Variants in PLCL2 observed in about 807,000 individuals in gnomAD.
PLCL2 encodes phospholipase C like 2.
Under a neutral mutation model 79.6 loss-of-function variants are expected in PLCL2, and 4 were observed. That is an observed-to-expected ratio of 0.05 (90% CI 0.02 to 0.11). The LOEUF is 0.11. PLCL2 is among the 10% of genes least tolerant of loss of function. The pLI, the probability that PLCL2 is intolerant of heterozygous loss-of-function variation, is 1.00. For missense variants in PLCL2, 895 were observed against 1,291.0 expected, an observed-to-expected ratio of 0.69 and a Z score of 4.70; for synonymous variants, 484 against 457.7, an observed-to-expected ratio of 1.06 and a Z score of -0.73.
In PLCL2 at chr3:17,009,992, T is replaced by C. The variant is rs754340410; in HGVS notation, c.646T>C (p.Cys216Arg). The stretch of plus-strand genomic sequence containing the variant: ...CATTTCTGACCAGATATCTGAAGAT[T>C]GTGCGTTTTCCGTCATATATGGAGA... ...NGISDQISED[C>R]AFSVIYGENY... The change falls in exon 2 of 6, where the codon TGT (cysteine) becomes CGT (arginine). Residue 216 changes from cysteine to arginine, a missense_variant. By Grantham distance (180) the Cys-to-Arg change is radical (BLOSUM62 -3). Transcript: ENST00000615277. This position sits in a 1 kb window ranked among gnomAD's most constrained non-coding sequence, Gnocchi z 4.0. 7 of 1,614,116 alleles carry C rather than the reference T, an allele frequency of 4.3e-6. No individual in the cohort carries two copies. Among genetic ancestry groups the C allele is most frequent in the South Asian group, 3.3e-5 (3 of 91,086 alleles).
At chr3:17,033,035 GTTATT>G (rs2064601868) in intron 3 of PLCL2, among the ~76,000 whole-genome samples, 1 of 152,128 alleles carries the variant, frequency 6.6e-6, no homozygotes. Flanking sequence ...AAGATGGGAT[GTTATT>G]TTATAGGATT....
intron 3 of PLCL2, among the ~76,000 whole-genome samples, chr3:17,036,119 T>C (rs1169627076): frequency 1.3e-5 from 2 of 152,158 alleles, no homozygotes; most frequent in Non-Finnish European, 1.5e-5. Flanking sequence ...CCACAGCTCT[T>C]AATGATATGG....
chr3:16,909,593 C>T (rs1340548245), intron 1 of PLCL2, among the ~76,000 whole-genome samples: 4 of 152,166 alleles, frequency 2.6e-5, no homozygotes, highest in African/African-American at 9.7e-5. Context: ...AGAATATTAA[C>T]TTGTATGTGT....
intron 1 of PLCL2, among the ~76,000 whole-genome samples, chr3:16,918,614 T>C (rs1222726704): frequency 6.6e-6 from 1 of 152,074 alleles, no homozygotes; most frequent in Admixed American, 6.6e-5. Flanking sequence ...ATTACCGTAA[T>C]AGTTAAGGTG....
intron 4 of PLCL2, among the ~76,000 whole-genome samples, chr3:17,057,656 G>A (rs576218431): frequency 1.4e-4 from 21 of 152,212 alleles, no homozygotes; most frequent in South Asian, 4.1e-4. Flanking sequence ...CGCTTGAGTG[G>A]ATGAGTTCTC....
At chr3:16,991,536 T>C (rs1285858740) in intron 1 of PLCL2, among the ~76,000 whole-genome samples, 2 of 152,236 alleles carry the variant, frequency 1.3e-5, no homozygotes, top group African/African-American at 4.8e-5. Context: ...AAAGAAAAAT[T>C]AATTGATAAA....
At position 16,984,118 on chromosome 3, in the gene PLCL2, C is replaced by G. The variant is rs1331999300; in HGVS notation, c.328-25556C>G. 2.6e-5 allele frequency among the ~76,000 whole-genome samples: 4 copies of G among 152,238 alleles called. No homozygotes were observed. The East Asian group carries it at 7.7e-4, about 29-fold the overall frequency. ...GTTCATGAACGCGTGGAGGGTATTT[C>G]TTTACTAATATGCAAAGCTTAAATA... On this transcript the variant is annotated intron_variant, in intron 1 of 5. Coordinates refer to ENST00000615277, the MANE Select transcript of PLCL2 (RefSeq NM_001144382.2).
intron 4 of PLCL2, among the ~76,000 whole-genome samples, chr3:17,058,173 A>G (rs962201781): frequency 3.3e-5 from 5 of 152,222 alleles, no homozygotes; most frequent in African/African-American, 1.2e-4. Flanking sequence ...GAGCCAAGGC[A>G]AGTGGACACA....
At chr3:17,037,325 AG>A (rs1427609520) in intron 3 of PLCL2, among the ~76,000 whole-genome samples, 1 of 152,156 alleles carries the variant, frequency 6.6e-6, no homozygotes, top group African/African-American at 2.4e-5. Context: ...GGGGGCATTC[AG>A]TGGTTAGGGC....
chr3:16,981,516 G>A (rs1295493171), intron 1 of PLCL2, among the ~76,000 whole-genome samples: 1 of 152,274 alleles, frequency 6.6e-6, no homozygotes, highest in South Asian at 2.1e-4. Context: ...AGTTTTCTGT[G>A]AGTTTGGTTA....
chr3:16,912,315 G>A (rs1696900507), intron 1 of PLCL2, among the ~76,000 whole-genome samples: 1 of 152,042 alleles, frequency 6.6e-6, no homozygotes. Flanking sequence ...AAGCAAAACT[G>A]ACATGGAAGG....
intron 5 of PLCL2, among the ~76,000 whole-genome samples, chr3:17,087,140 C>T (rs1289751591): frequency 2.0e-5 from 3 of 152,092 alleles, no homozygotes; most frequent in Non-Finnish European, 4.4e-5. Flanking sequence ...TATGATCCAG[C>T]GATCATACCC....
chr3:17,089,430 A>G (rs2065252378), intron 5 of PLCL2, among the ~76,000 whole-genome samples: 1 of 152,204 alleles, frequency 6.6e-6, no homozygotes, highest in South Asian at 2.1e-4. Context: ...TGGCCAAACA[A>G]CTAATGAAAG....
rs1186759605 is a variant in PLCL2, at chr3:16,885,176, G to T, written c.137G>T (p.Arg46Leu). ...GGGGGAGGTCGCCTCGGCCACGGGC[G>T]GGCGCGCTATGACAGCGGCGGGGTT... ...GGGGGRLGHG[R>L]ARYDSGGVSN... is the part of the protein sequence containing the mutation. Residue 46 changes from arginine to leucine, a missense_variant, in exon 1 of 6, where the codon CGG becomes CTG. By Grantham distance (102) the Arg-to-Leu change is moderately radical. This residue lies in a region of PLCL2 where 110 missense variants were observed against 42.9 expected (regional missense o/e 2.56). Coordinates refer to ENST00000615277, the MANE Select transcript of PLCL2 (RefSeq NM_001144382.2). The T allele has an allele frequency of 1.8e-6, 1 of 564,382 alleles. No homozygotes were observed. The highest frequency in any genetic ancestry group is 3.2e-6 in the Non-Finnish European group (1 of 314,390). The allele number at this position is 564,382 out of a possible 1,614,324, so 35.0% of individuals were successfully genotyped here. A position where few individuals can be genotyped will look rare whatever the true frequency, so the allele number is the denominator to read the frequency against.
intron 4 of PLCL2, among the ~76,000 whole-genome samples, chr3:17,053,634 C>T (rs1559533322): frequency 2.0e-5 from 3 of 152,208 alleles, no homozygotes; most frequent in Admixed American, 1.3e-4. Context: ...CAAGGCAAGT[C>T]CCTTCCACCT....
At chr3:17,047,259 A>C (rs1374100007) in intron 4 of PLCL2, among the ~76,000 whole-genome samples, 2 of 152,186 alleles carry the variant, frequency 1.3e-5, no homozygotes, top group African/African-American at 2.4e-5. Flanking sequence ...CCACACCCAC[A>C]AGGCCTGGGA....
chr3:16,979,473 A>T lies in PLCL2; in HGVS notation c.328-30201A>T, dbSNP rs1450422951. 3.3e-5 allele frequency among the ~76,000 whole-genome samples: 3 copies of T among 91,404 alleles called. 1 individual carries two copies. The highest frequency in any genetic ancestry group is 2.1e-4 in the Admixed American group (2 of 9,328). 60.0% of individuals were successfully genotyped at this position (91,404 alleles called of 152,430 possible). Reference sequence around the variant, plus strand: ...AAAGGTCTCTGGTTTTCCTAGGCAGAGGACCCTGTGGCCTTCCGCAGTGTT... The same window carrying T: ...AAAGGTCTCTGGTTTTCCTAGGCAGTGGACCCTGTGGCCTTCCGCAGTGTT... On this transcript the variant is annotated intron_variant, in intron 1 of 5. Coordinates refer to ENST00000615277, the MANE Select transcript of PLCL2 (RefSeq NM_001144382.2).
intron 1 of PLCL2, among the ~76,000 whole-genome samples, chr3:16,992,283 C>T (rs1167552065): frequency 6.6e-6 from 1 of 152,108 alleles, no homozygotes; most frequent in Non-Finnish European, 1.5e-5. Flanking sequence ...TGGAACAGCC[C>T]AGCCATCAGT....
chr3:17,048,084 C>CT (rs36004545), intron 4 of PLCL2, among the ~76,000 whole-genome samples: 57,084 of 145,708 alleles, frequency 0.39, 11,368 homozygotes, highest in East Asian at 0.58. Context: ...TGCTCAGAGA[C>CT]TTTTTTTTTT....
Sources: allele counts gnomAD v4.1 joint callset (sites outside exome capture counted in the v4.1 genomes callset), GRCh38; gene constraint gnomAD v4.1.1; regional missense constraint gnomAD v4.1.1; non-coding constraint Gnocchi (gnomAD v3.1); transcripts MANE v1.5; gene names NCBI Gene and HGNC (gene_info 2026-07-23, HGNC 2026-07-21).